Variants in NPHP4 observed in about 807,000 individuals in gnomAD.
NPHP4 encodes nephrocystin 4.
A neutral mutation model predicts 155.8 loss-of-function variants in NPHP4; 151 were observed. That is an observed-to-expected ratio of 0.97 (90% CI 0.85 to 1.11). The LOEUF is 1.11. Ranked by LOEUF, NPHP4 falls within the 50% of genes least tolerant of loss-of-function variation. The pLI is 0.00. For synonymous variants in NPHP4, 845 were observed against 816.8 expected (o/e 1.03, Z -0.59); for missense variants, 1,956 against 1,925.7 (o/e 1.02, Z -0.29).
chr1:5,907,105 C>A lies in NPHP4; in HGVS notation c.1611+10G>T. 1.4e-6 allele frequency: 2 copies of A among 1,468,550 alleles called. No individual in the cohort carries two copies. Among genetic ancestry groups the A allele is most frequent in the East Asian group, 2.5e-5 (1 of 39,246 alleles). 91.0% of individuals were successfully genotyped at this position (1,468,550 alleles called of 1,614,324 possible). A position where few individuals can be genotyped will look rare whatever the true frequency, so the allele number is the denominator to read the frequency against. On this transcript the variant is annotated intron_variant, in intron 13 of 29. Coordinates refer to ENST00000378156, the MANE Select transcript of NPHP4 (RefSeq NM_015102.5). ...GGTGGAAGGCAAGGCGGCAGGTGGG[C>A]GGCACTTACTGCCTGGGCCGGGGAG... is the stretch of plus-strand genomic sequence containing the variant.
At chr1:5,962,156 TTTTAA>T (rs1283928793) in intron 5 of NPHP4, among the ~76,000 whole-genome samples, 7 of 152,162 alleles carry the variant, frequency 4.6e-5, no homozygotes, top group African/African-American at 1.4e-4. Context: ...TTAAAAAATG[TTTTAA>T]TTTTTCTTTT....
At chr1:5,917,695 C>T (rs1645546613) in intron 11 of NPHP4, among the ~76,000 whole-genome samples, 2 of 152,200 alleles carry the variant, frequency 1.3e-5, no homozygotes. Flanking sequence ...CAGTCCCCAC[C>T]GTGAGCTGCT....
At chr1:5,962,409 G>A (rs1311161743) in intron 5 of NPHP4, among the ~76,000 whole-genome samples, 2 of 152,134 alleles carry the variant, frequency 1.3e-5, no homozygotes, top group Non-Finnish European at 2.9e-5. Flanking sequence ...AGTCTCCTGA[G>A]AGCACAGACA....
intron 9 of NPHP4, among the ~76,000 whole-genome samples, chr1:5,936,320 T>C (rs1382773081): frequency 6.6e-6 from 1 of 152,200 alleles, no homozygotes; most frequent in East Asian, 1.9e-4. Flanking sequence ...CCACACTTGC[T>C]CACTGCCAGC....
intron 23 of NPHP4, among the ~76,000 whole-genome samples, chr1:5,871,501 G>C (rs1642004640): frequency 6.6e-6 from 1 of 152,182 alleles, no homozygotes; most frequent in African/African-American, 2.4e-5. Context: ...GTATATTTTA[G>C]GGTAACCAAA....
intron 9 of NPHP4, among the ~76,000 whole-genome samples, chr1:5,940,883 C>A (rs1373803635): frequency 6.6e-6 from 1 of 152,162 alleles, no homozygotes; most frequent in Non-Finnish European, 1.5e-5. Context: ...TAAATTCAAT[C>A]ATAAATTTAC....
intron 3 of NPHP4, among the ~76,000 whole-genome samples, chr1:5,975,581 C>A (rs565815495): frequency 6.6e-6 from 1 of 152,232 alleles, no homozygotes; most frequent in African/African-American, 2.4e-5. Context: ...CAACAGGAGA[C>A]GCACCCAGAT....
intron 20 of NPHP4, chr1:5,876,790 G>C (rs1006406919): frequency 3.1e-6 from 1 of 319,890 alleles, no homozygotes; most frequent in Non-Finnish European, 5.7e-6. Flanking sequence ...CCAGACCTGG[G>C]AGAGCCTCAG....
At chr1:5,871,808 C>T (rs904823405) in intron 23 of NPHP4, among the ~76,000 whole-genome samples, 12 of 152,190 alleles carry the variant, frequency 7.9e-5, no homozygotes, top group African/African-American at 2.4e-4. Flanking sequence ...TAGAAAGGCC[C>T]GTGGTTACAG....
intron 3 of NPHP4, among the ~76,000 whole-genome samples, chr1:5,977,314 C>T (rs1434998401): frequency 1.3e-5 from 2 of 152,052 alleles, no homozygotes; most frequent in Non-Finnish European, 2.9e-5. Flanking sequence ...GTCCTAACAC[C>T]CCTGGGTCTC....
At chr1:5,974,627 C>G (rs1438520341) in intron 3 of NPHP4, among the ~76,000 whole-genome samples, 1 of 151,250 alleles carries the variant, frequency 6.6e-6, no homozygotes, top group East Asian at 1.9e-4. Flanking sequence ...AGAGCTGAGA[C>G]GTGTCTGGGG....
chr1:5,868,090 C>CT, intron 23 of NPHP4, 194 bp from the exon 24 acceptor site: 1 of 725,344 alleles, frequency 1.4e-6, no homozygotes, highest in Non-Finnish European at 2.5e-6. Flanking sequence ...AGGAGGGGAC[C>CT]GCTAAGCAAG....
chr1:5,909,147 C>T lies in NPHP4; in HGVS notation c.1503+5G>A. On this transcript the variant is annotated splice_donor_5th_base_variant and intron_variant, in intron 12 of 29. Transcript: ENST00000378156. ...TGAAGGAGGCCGTGGGGGGCCTGGA[C>T]TTACCCCTGGTCCCACAGGTGAGTT... 1 of 1,594,334 alleles carries T rather than the reference C, an allele frequency of 6.3e-7. No homozygotes were observed. The highest frequency in any genetic ancestry group is 8.5e-7 in the Non-Finnish European group (1 of 1,170,120).
intron 4 of NPHP4, 27 bp downstream of exon 4, chr1:5,969,060 C>T (rs1318422188): frequency 2.0e-6 from 3 of 1,496,316 alleles, no homozygotes; most frequent in East Asian, 2.5e-5. Context: ...CTGGAAAACC[C>T]CAGGGTTGTA....
chr1:5,948,192 G>T lies in NPHP4; in HGVS notation c.870C>A (p.Gly290=), dbSNP rs749844096. The T allele has an allele frequency of 3.7e-6, 6 of 1,610,220 alleles. No homozygotes were observed. The highest frequency in any genetic ancestry group is 2.2e-5 in the South Asian group (2 of 90,644). Residue 290 remains glycine, a synonymous_variant, in exon 8 of 30, where the codon GGC becomes GGA. Coordinates refer to ENST00000378156, the MANE Select transcript of NPHP4 (RefSeq NM_015102.5). ...GCACGAAGCCCAGACCATTGTGCAC[G>T]CCCACACGCAGGCGCCGCTCCAGGA... ...LEILERRLRV[G]VHNGLGFVQR... is the part of the protein sequence containing the mutation.
chr1:5,947,297 G>T (rs1405191491), intron 8 of NPHP4, 67 bp from the exon 9 acceptor site: 4 of 1,573,386 alleles, frequency 2.5e-6, no homozygotes, highest in Non-Finnish European at 3.5e-6. Flanking sequence ...CATCCACGTC[G>T]ACCACTGTCA....
chr1:5,879,311 A>T, intron 19 of NPHP4: 1 of 319,886 alleles, frequency 3.1e-6, no homozygotes, highest in South Asian at 2.6e-5. Flanking sequence ...AATTCAAATG[A>T]CAAGTACTTT....
At position 5,875,090 on chromosome 1, in the gene NPHP4, C is replaced by T. The variant is rs372730928; in HGVS notation, c.2828G>A (p.Ser943Asn). Residue 943 changes from serine (S) to asparagine (N), a missense_variant, in exon 21 of 30, where the codon AGC becomes AAC. Transcript: ENST00000378156. ...RRGTSVLAQQ[S>N]VRTQHLRDLQ... ...GTCCCGCAAGTGCTGTGTGCGGACG[C>T]TCTGCTGCGCCTGCAGACAAGAGGA... 2 of 1,602,352 alleles carry T rather than the reference C, an allele frequency of 1.2e-6. No homozygotes were observed. The highest frequency in any genetic ancestry group is 2.7e-5 in the African/African-American group (2 of 74,870).
rs770113955 is a variant in NPHP4, at chr1:5,863,980, G to T, written c.4050C>A (p.Ile1350=). 8 of 1,613,670 alleles carry T rather than the reference G, an allele frequency of 5.0e-6. No individual in the cohort carries two copies. In the South Asian group the frequency reaches 8.8e-5, roughly 18 times the overall value. Residue 1350 remains isoleucine, a synonymous_variant, in exon 29 of 30, where the codon ATC becomes ATA. Coordinates refer to ENST00000378156, the MANE Select transcript of NPHP4 (RefSeq NM_015102.5). ...GGGAGGGGTAGGGGTTGGTGTAGGTGATCCTCTTGTTGACACCCTTCCCTT... is the reference window on the plus strand; with the variant it reads ...GGGAGGGGTAGGGGTTGGTGTAGGTTATCCTCTTGTTGACACCCTTCCCTT... The part of the protein sequence containing the change: ...AGEGKGVNKR[I]TYTNPYPSRR...
Sources: allele counts gnomAD v4.1 joint callset (sites outside exome capture counted in the v4.1 genomes callset), GRCh38; gene constraint gnomAD v4.1.1; transcripts MANE v1.5; gene names NCBI Gene and HGNC (gene_info 2026-07-23, HGNC 2026-07-21).